The following ZMYM1 variants were observed in gnomAD, a reference collection of about 807,000 sequenced individuals.
ZMYM1 encodes the protein zinc finger MYM-type containing 1.
Under a neutral mutation model 60.0 loss-of-function variants are expected in ZMYM1, and 39 were observed. The observed-to-expected ratio is 0.65, with a 90% confidence interval of 0.50 to 0.85. ZMYM1 has a LOEUF of 0.85. Among genes scored for constraint, ZMYM1 ranks in the 40% least tolerant of loss-of-function variants. The pLI, the probability that ZMYM1 is intolerant of heterozygous loss-of-function variation, is 0.00. For synonymous variants in ZMYM1, 413 were observed against 454.0 expected (o/e 0.91, Z 1.15); for missense variants, 1,171 against 1,309.5 (o/e 0.89, Z 1.63).
At chr1:35,061,344 G>C (rs1248192185) in intron 1 of ZMYM1, among the ~76,000 whole-genome samples, 1 of 152,174 alleles carries the variant, frequency 6.6e-6, no homozygotes. Flanking sequence ...AAATGTGATG[G>C]GGAGAATATT....
chr1:35,098,446 A>G (rs1557676520), intron 4 of ZMYM1, among the ~76,000 whole-genome samples: 1 of 152,240 alleles, frequency 6.6e-6, no homozygotes, highest in Non-Finnish European at 1.5e-5. Context: ...GAAAATCCAT[A>G]GGCAACCACA....
Position 35,115,414 on chromosome 1 carries a change from T to G in ZMYM1, c.*155T>G. On this transcript the variant is annotated 3_prime_UTR_variant, in exon 10 of 10. Coordinates refer to ENST00000359858, the MANE Select transcript of ZMYM1 (RefSeq NM_024772.5). ...TTTCTCTTCCCAAAAAGTGTTATCT[T>G]TTCCTTAAATATCCCTCTAGAGGTA... The G allele has an allele frequency of 1.2e-6, 1 of 854,160 alleles. No individual in the cohort carries two copies. Among genetic ancestry groups the G allele is most frequent in the South Asian group, 2.0e-5 (1 of 50,438 alleles). 52.9% of individuals were successfully genotyped at this position (854,160 alleles called of 1,614,324 possible). A position where few individuals can be genotyped will look rare whatever the true frequency, so the allele number is the denominator to read the frequency against.
chr1:35,100,016 A>T (rs1643556057), intron 4 of ZMYM1, among the ~76,000 whole-genome samples: 1 of 152,010 alleles, frequency 6.6e-6, no homozygotes, highest in South Asian at 2.1e-4. Context: ...TCAGCCTCCC[A>T]AGTAGCTGGG....
chr1:35,117,066 C>T (rs1305614945), downstream of ZMYM1, among the ~76,000 whole-genome samples: 2 of 146,596 alleles, frequency 1.4e-5, no homozygotes, highest in African/African-American at 5.0e-5. Context: ...CTCCTGACCT[C>T]GTGATCCGCC....
At chr1:35,088,816 T>TG (rs959239325) in intron 1 of ZMYM1, among the ~76,000 whole-genome samples, 3 of 145,922 alleles carry the variant, frequency 2.1e-5, no homozygotes, top group Non-Finnish European at 3.0e-5. Context: ...TTTTTTTTTT[T>TG]TTTTTTTGTT....
intron 1 of ZMYM1, among the ~76,000 whole-genome samples, chr1:35,065,569 G>A (rs1267651667): frequency 6.6e-6 from 1 of 151,212 alleles, no homozygotes; most frequent in East Asian, 1.9e-4. Flanking sequence ...AGAGTCAACT[G>A]TATTTAAAGG....
chr1:35,112,248 G>C (rs983833173), intron 9 of ZMYM1, 118 bp downstream of exon 9: 1 of 965,696 alleles, frequency 1.0e-6, no homozygotes, highest in African/African-American at 1.6e-5. Flanking sequence ...CGTGATCTCA[G>C]CTCACTGCAA....
chr1:35,063,344 G>C (rs1641909213), intron 1 of ZMYM1, among the ~76,000 whole-genome samples: 1 of 151,966 alleles, frequency 6.6e-6, no homozygotes, highest in Admixed American at 6.6e-5. Context: ...GTCTTGCTCT[G>C]TCACCCAGGC....
At chr1:35,078,146 A>C (rs74371760), upstream of ZMYM1, among the ~76,000 whole-genome samples, 438 of 152,314 alleles carry the variant, frequency 2.9e-3, 1 homozygote, top group African/African-American at 9.9e-3. Flanking sequence ...ATTATTATGA[A>C]TATTAGAAGG....
chr1:35,093,724 A>C (rs532001406), intron 1 of ZMYM1, among the ~76,000 whole-genome samples, 190 bp from the exon 2 acceptor site: 1 of 151,968 alleles, frequency 6.6e-6, no homozygotes, highest in East Asian at 1.9e-4. Flanking sequence ...CAGAGTTGGT[A>C]GTAGCTACCA....
chr1:35,112,481 A>AT (rs888085258), intron 9 of ZMYM1, among the ~76,000 whole-genome samples: 1 of 145,504 alleles, frequency 6.9e-6, no homozygotes, highest in Non-Finnish European at 1.5e-5. Context: ...CCTGGCCCAG[A>AT]TTTTTTATAT....
intron 4 of ZMYM1, among the ~76,000 whole-genome samples, chr1:35,101,061 C>T (rs1257150408): frequency 2.0e-5 from 3 of 151,856 alleles, no homozygotes; most frequent in African/African-American, 7.3e-5. Flanking sequence ...GCTTGCCCTC[C>T]CAAAGTGCTG....
intron 1 of ZMYM1, among the ~76,000 whole-genome samples, chr1:35,064,982 C>T (rs1557617543): frequency 6.6e-6 from 1 of 151,978 alleles, no homozygotes; most frequent in African/African-American, 2.4e-5. Context: ...GCCTAAACAA[C>T]GTATTTCTAA....
chr1:35,096,650 C>T (rs1004178585), intron 3 of ZMYM1, among the ~76,000 whole-genome samples: 1 of 152,034 alleles, frequency 6.6e-6, no homozygotes, highest in Non-Finnish European at 1.5e-5. Flanking sequence ...GCTCCTGCCT[C>T]AGCCTCCCAA....
At chr1:35,105,772 ATT>A (rs1643874378) in intron 6 of ZMYM1, among the ~76,000 whole-genome samples, 1 of 152,036 alleles carries the variant, frequency 6.6e-6, no homozygotes, top group South Asian at 2.1e-4. Context: ...CACCTGGCTA[ATT>A]TTTAATTTTT....
At chr1:35,116,903 G>C (rs1644255253), downstream of ZMYM1, among the ~76,000 whole-genome samples, 1 of 119,668 alleles carries the variant, frequency 8.4e-6, no homozygotes, top group South Asian at 2.9e-4. Context: ...GAGTGCTGTG[G>C]CGCGATCTCC....
intron 6 of ZMYM1, among the ~76,000 whole-genome samples, chr1:35,105,329 G>A (rs895970579): frequency 6.6e-6 from 1 of 151,502 alleles, no homozygotes; most frequent in African/African-American, 2.4e-5. Context: ...AGTAGAGATG[G>A]GGTTTCACTG....
chr1:35,094,197 G>A (rs1214207134), intron 2 of ZMYM1, 114 bp downstream of exon 2: 2 of 789,616 alleles, frequency 2.5e-6, no homozygotes, highest in Non-Finnish European at 3.9e-6. Context: ...CTCCTCCAAA[G>A]CAGTTAATTA....
At chr1:35,071,214 T>C (rs749470077) in intron 1 of ZMYM1, among the ~76,000 whole-genome samples, 64 of 151,988 alleles carry the variant, frequency 4.2e-4, no homozygotes, top group Non-Finnish European at 1.8e-4. Flanking sequence ...ATATATCATA[T>C]TGATGTGAAT....
Sources: allele counts gnomAD v4.1 joint callset (sites outside exome capture counted in the v4.1 genomes callset), GRCh38; gene constraint gnomAD v4.1.1; transcripts MANE v1.5; gene names NCBI Gene and HGNC (gene_info 2026-07-23, HGNC 2026-07-21).